Variants in LSAMP observed in about 807,000 individuals in gnomAD.
The protein encoded by LSAMP is limbic system-associated membrane protein.
Under a neutral mutation model 38.6 loss-of-function variants are expected in LSAMP, and 7 were observed. The ratio of observed to expected loss-of-function variants is 0.18; its 90% CI spans 0.10 to 0.34. LSAMP has a LOEUF of 0.34. Ranked by LOEUF, LSAMP falls within the 10% of genes least tolerant of loss-of-function variation. LSAMP has a pLI of 1.00. For missense variants in LSAMP, 313 were observed against 420.0 expected (o/e 0.75, Z 2.23); for synonymous variants, 154 against 166.8 (o/e 0.92, Z 0.59).
chr3:116,090,032 T>A (rs2107429625), intron 1 of LSAMP, among the ~76,000 whole-genome samples: 1 of 151,270 alleles, frequency 6.6e-6, no homozygotes. Context: ...CTATTTTTTT[T>A]AATCATAAAA....
In LSAMP at chr3:116,211,408, A is replaced by G. The variant is rs185280825; in HGVS notation, c.156-124852T>C. ...ATATGTTAATTAGCACAATTTAGCC[A>G]TTCAAAAATGTATACATGTTTCAAA... On this transcript the variant is annotated intron_variant, in intron 1 of 6. Coordinates refer to ENST00000490035, the MANE Select transcript of LSAMP (RefSeq NM_002338.5). Among the ~76,000 whole-genome samples, 664 of 152,372 alleles carry G rather than the reference A, an allele frequency of 4.4e-3. 7 individuals carry two copies. Among genetic ancestry groups the G allele is most frequent in the African/African-American group, 0.015 (626 of 41,588 alleles).
intron 3 of LSAMP, among the ~76,000 whole-genome samples, chr3:115,898,486 A>G (rs1190083421): frequency 6.6e-6 from 1 of 152,034 alleles, no homozygotes; most frequent in Non-Finnish European, 1.5e-5. Context: ...GAATCTCCAG[A>G]AGAGCCAAGA....
At chr3:115,984,677 C>A (rs1939460692) in intron 3 of LSAMP, among the ~76,000 whole-genome samples, 2 of 152,156 alleles carry the variant, frequency 1.3e-5, no homozygotes, top group South Asian at 4.1e-4. Flanking sequence ...ATTGATAAAG[C>A]CCTAATGATA....
chr3:116,426,028 T>C lies in LSAMP; in HGVS notation c.155+18849A>G, dbSNP rs1044825400. On this transcript the variant is annotated intron_variant, in intron 1 of 6. Transcript: ENST00000490035. ...TGATGCAACAAAAACTGGAGGCCAA[T>C]TTTAGTTTATTGAGCAAAAATAGAA... is the stretch of plus-strand genomic sequence containing the variant. Among the ~76,000 whole-genome samples the C allele has an allele frequency of 3.3e-5, 5 of 152,140 alleles. No individual in the cohort carries two copies. In the East Asian group the frequency reaches 9.6e-4, roughly 29 times the overall value.
chr3:116,349,047 CCT>C (rs151306730), intron 1 of LSAMP, among the ~76,000 whole-genome samples: 8,031 of 152,046 alleles, frequency 0.053, 270 homozygotes, highest in Non-Finnish European at 0.08. Flanking sequence ...CTTACGCTTC[CCT>C]CAGTTGTATT....
intron 2 of LSAMP, among the ~76,000 whole-genome samples, chr3:116,035,523 G>A (rs1329721570): frequency 2.6e-5 from 4 of 152,148 alleles, no homozygotes; most frequent in Non-Finnish European, 5.9e-5. Context: ...TCCAAATGCA[G>A]ATCTAGCCTC....
intron 1 of LSAMP, among the ~76,000 whole-genome samples, chr3:116,397,119 TC>T (rs1267379445): frequency 2.6e-5 from 4 of 152,186 alleles, no homozygotes; most frequent in Admixed American, 6.6e-5. Flanking sequence ...ACTTATGGCT[TC>T]CCATTTCAGA....
At chr3:116,119,546 C>T (rs771946205) in intron 1 of LSAMP, among the ~76,000 whole-genome samples, 4 of 151,970 alleles carry the variant, frequency 2.6e-5, no homozygotes, top group East Asian at 1.9e-4. Context: ...ACCATGAATA[C>T]TACAGTTAAT....
intron 2 of LSAMP, among the ~76,000 whole-genome samples, chr3:116,069,123 A>C (rs748909911): frequency 3.9e-5 from 6 of 152,192 alleles, no homozygotes; most frequent in Non-Finnish European, 8.8e-5. Flanking sequence ...ACACACCAAA[A>C]AAGAAAAAAC....
rs556225071 is a variant in LSAMP, at chr3:115,836,513, G to T, written c.919+5332C>A. On this transcript the variant is annotated intron_variant, in intron 6 of 6. Transcript: ENST00000490035. ...TCTCCTTTGGCAGCTGCTACTTGAG[G>T]AGGAAAACACACTTAGCAGCTGATT... Among the ~76,000 whole-genome samples the T allele has an allele frequency of 5.9e-5, 9 of 152,296 alleles. No homozygotes were observed. In the South Asian group the frequency reaches 1.9e-3, roughly 32 times the overall value.
chr3:115,857,435 C>T (rs190896701), intron 3 of LSAMP, among the ~76,000 whole-genome samples: 8 of 152,296 alleles, frequency 5.3e-5, no homozygotes, highest in Admixed American at 5.2e-4. Flanking sequence ...GACACAAAAC[C>T]TATGGTTTAA....
chr3:115,967,338 TA>T (rs1415211485), intron 3 of LSAMP, among the ~76,000 whole-genome samples: 1 of 152,204 alleles, frequency 6.6e-6, no homozygotes, highest in Non-Finnish European at 1.5e-5. Context: ...AGAAGTTCCT[TA>T]TCTCCATTTG....
At chr3:116,152,259 G>A (rs1709629718) in intron 1 of LSAMP, among the ~76,000 whole-genome samples, 1 of 152,124 alleles carries the variant, frequency 6.6e-6, no homozygotes, top group South Asian at 2.1e-4. Flanking sequence ...GGCATACTAT[G>A]TGCCGGGCAC....
chr3:116,030,210 G>A (rs1263364695), intron 2 of LSAMP, among the ~76,000 whole-genome samples: 1 of 152,090 alleles, frequency 6.6e-6, no homozygotes, highest in Admixed American at 6.6e-5. Context: ...GAATCTAAGC[G>A]AGTGTTCTAG....
intron 1 of LSAMP, among the ~76,000 whole-genome samples, chr3:116,087,655 T>G (rs1708022215): frequency 6.6e-6 from 1 of 152,154 alleles, no homozygotes; most frequent in South Asian, 2.1e-4. Context: ...AGACACCCTG[T>G]TCCCCTGTAT....
At chr3:116,167,284 A>G (rs1710082550) in intron 1 of LSAMP, among the ~76,000 whole-genome samples, 1 of 152,078 alleles carries the variant, frequency 6.6e-6, no homozygotes, top group Non-Finnish European at 1.5e-5. Context: ...AGTCCATTAT[A>G]TCATTCTTAT....
intron 1 of LSAMP, among the ~76,000 whole-genome samples, chr3:116,096,468 T>C (rs1708229053): frequency 6.6e-6 from 1 of 152,316 alleles, no homozygotes; most frequent in East Asian, 1.9e-4. Flanking sequence ...TCCCCTCTGG[T>C]TAGCAATTGG....
At chr3:116,314,736 T>C (rs2047605407) in intron 1 of LSAMP, among the ~76,000 whole-genome samples, 1 of 152,166 alleles carries the variant, frequency 6.6e-6, no homozygotes, top group Non-Finnish European at 1.5e-5. Flanking sequence ...AGCTGGACCA[T>C]TAGTGCTGCT....
At chr3:116,251,520 G>A (rs1027890048) in intron 1 of LSAMP, among the ~76,000 whole-genome samples, 2 of 152,212 alleles carry the variant, frequency 1.3e-5, no homozygotes, top group African/African-American at 4.8e-5. Context: ...AATACAGATA[G>A]AGACAGGTGA....
Sources: gnomAD v4.1 joint callset for allele counts (sites outside exome capture counted in the v4.1 genomes callset) on GRCh38, gnomAD v4.1.1 for gene constraint, MANE v1.5 for transcripts, NCBI Gene and HGNC (gene_info 2026-07-23, HGNC 2026-07-21) for gene names.